ARL14EPL: variants seen among roughly 807,000 people sequenced by gnomAD.
ARL14EPL encodes the protein ARL14 effector protein-like.
Under a neutral mutation model 15.9 loss-of-function variants are expected in ARL14EPL, and 17 were observed. That is an observed-to-expected ratio of 1.07 (90% confidence interval 0.73 to 1.60). The LOEUF (loss-of-function observed/expected upper bound fraction) is 1.60. ARL14EPL is among the 40% of genes most tolerant of loss of function. ARL14EPL has a pLI of 0.00. For missense variants in ARL14EPL, 214 were observed against 185.9 expected (o/e 1.15, Z -0.88); for synonymous variants, 78 against 63.8 (o/e 1.22, Z -1.06).
At chr5:116,044,310 C>A (rs944281097) in intron 1 of ARL14EPL, among the ~76,000 whole-genome samples, 2 of 152,056 alleles carry the variant, frequency 1.3e-5, no homozygotes, top group Admixed American at 6.6e-5. Flanking sequence ...TAATAACTCA[C>A]AACATAATAT....
intron 3 of ARL14EPL, among the ~76,000 whole-genome samples, chr5:116,055,603 T>A (rs1749496949): frequency 6.6e-6 from 1 of 151,806 alleles, no homozygotes; most frequent in Non-Finnish European, 1.5e-5. Context: ...GTGTCATAAC[T>A]AAGACCAAAA....
Position 116,057,325 on chromosome 5 carries a change from G to A in ARL14EPL, c.237-1400G>A, listed in dbSNP as rs60599018. ...GCTGTAACACTCTTTTGTTAAGCTGGACAGTGGGCACACAGAAGTTTGTTT... is the reference window on the plus strand; with the variant it reads ...GCTGTAACACTCTTTTGTTAAGCTGAACAGTGGGCACACAGAAGTTTGTTT... On this transcript the variant is annotated intron_variant, in intron 3 of 3. Transcript: ENST00000686077. 3.8e-3 allele frequency among the ~76,000 whole-genome samples: 578 copies of A among 152,064 alleles called. 5 individuals are homozygous for A. Among genetic ancestry groups the A allele is most frequent in the African/African-American group, 0.013 (555 of 41,488 alleles).
chr5:116,059,194 C>G lies in ARL14EPL; in HGVS notation c.*247C>G. The G allele has an allele frequency of 2.1e-6, 1 of 482,200 alleles. No individual in the cohort carries two copies. Among genetic ancestry groups the G allele is most frequent in the Admixed American group, 3.5e-5 (1 of 28,520 alleles). 29.9% of individuals were successfully genotyped at this position (482,200 alleles called of 1,614,324 possible). A position where few individuals can be genotyped will look rare whatever the true frequency, so the allele number is the denominator to read the frequency against. On this transcript the variant is annotated 3_prime_UTR_variant, in exon 4 of 4. Coordinates refer to ENST00000686077, the MANE Select transcript of ARL14EPL (RefSeq NM_001195581.2). ...CAATGGAGGGATCAGCATTTCTCATCAGCACCCTCATCTCTACTCTGCCTT... is the reference window on the plus strand; with the variant it reads ...CAATGGAGGGATCAGCATTTCTCATGAGCACCCTCATCTCTACTCTGCCTT...
At chr5:116,057,541 T>C (rs1010797473) in intron 3 of ARL14EPL, among the ~76,000 whole-genome samples, 5 of 152,112 alleles carry the variant, frequency 3.3e-5, no homozygotes, top group African/African-American at 1.2e-4. Context: ...TTCAGGACCA[T>C]CTACTCCATC....
chr5:116,058,768 G>A lies in ARL14EPL; in HGVS notation c.280G>A (p.Asp94Asn), dbSNP rs558715826. 3.3e-6 allele frequency: 5 copies of A among 1,535,696 alleles called. No homozygotes were observed. In the Admixed American group the frequency reaches 5.9e-5, roughly 18 times the overall value. Reference sequence around the variant, plus strand: ...CAAAAGTGGCAGGCTCATCTGTAATGACGCTGATCTGTGTGATTGTCTAGA... The same window carrying A: ...CAAAAGTGGCAGGCTCATCTGTAATAACGCTGATCTGTGTGATTGTCTAGA... The part of the protein sequence containing the change: ...YDKSGRLICN[D>N]ADLCDCLEKN... The change falls in exon 4 of 4, where the codon GAC (aspartate) becomes AAC (asparagine). Residue 94 changes from aspartate to asparagine, a missense_variant. Asp to Asn is a conservative substitution (Grantham distance 23, BLOSUM62 1). Transcript: ENST00000686077.
chr5:116,052,227 C>G, intron 2 of ARL14EPL: 1 of 1,604,702 alleles, frequency 6.2e-7, no homozygotes, highest in Middle Eastern at 1.7e-4. Context: ...TTCACTGGGT[C>G]TTTGTTTTTC....
chr5:116,058,115 G>T (rs1349382645), intron 3 of ARL14EPL, among the ~76,000 whole-genome samples: 1 of 152,186 alleles, frequency 6.6e-6, no homozygotes, highest in Non-Finnish European at 1.5e-5. Flanking sequence ...TGATCCTCCA[G>T]TCTTGGTCAC....
chr5:116,053,900 A>C, intron 2 of ARL14EPL, 114 bp from the exon 3 acceptor site: 1 of 843,370 alleles, frequency 1.2e-6, no homozygotes, highest in Non-Finnish European at 1.7e-6. Flanking sequence ...TTTGTGTAAA[A>C]CATATATACT....
At chr5:116,053,105 G>A (rs995055506) in intron 2 of ARL14EPL, among the ~76,000 whole-genome samples, 2 of 152,098 alleles carry the variant, frequency 1.3e-5, no homozygotes, top group Non-Finnish European at 2.9e-5. Context: ...AGAACTTTGG[G>A]AGCCCAAGGC....
Position 116,057,077 on chromosome 5 carries a change from A to G in ARL14EPL, c.237-1648A>G, listed in dbSNP as rs546155504. 6.7e-4 allele frequency among the ~76,000 whole-genome samples: 102 copies of G among 152,352 alleles called. 1 individual carries two copies. Among genetic ancestry groups the G allele is most frequent in the Middle Eastern group, 3.4e-3 (1 of 294 alleles). On this transcript the variant is annotated intron_variant, in intron 3 of 3. Coordinates refer to ENST00000686077, the MANE Select transcript of ARL14EPL (RefSeq NM_001195581.2). ...CAGCATATCAAAAAGTTTATCCACCATGATCAAGTGGGCTTCATCCCTGGG... is the reference window on the plus strand; with the variant it reads ...CAGCATATCAAAAAGTTTATCCACCGTGATCAAGTGGGCTTCATCCCTGGG...
intron 1 of ARL14EPL, among the ~76,000 whole-genome samples, chr5:116,040,296 A>G (rs1580411175): frequency 3.3e-5 from 5 of 152,028 alleles, no homozygotes; most frequent in Admixed American, 6.5e-5. Flanking sequence ...CACTCCTGTT[A>G]TATACCAAAT....
chr5:116,045,778 GTGTA>G (rs57739774), intron 1 of ARL14EPL, among the ~76,000 whole-genome samples: 26,302 of 127,246 alleles, frequency 0.21, 2,479 homozygotes, highest in East Asian at 0.31. Flanking sequence ...GTGTGTGTGT[GTGTA>G]TGTGTACGAA....
At position 116,058,851 on chromosome 5, in the gene ARL14EPL, GC is replaced by G. The variant is rs1323362954; in HGVS notation, c.366del (p.Glu123SerfsTer48). ...CPKCNSNKCG[P>X]ECRCNRRWVY... ...CGAAGTGTAACTCCAACAAGTGTGG[GC>G]CCGAGTGCCGCTGCAACCGACGGTG... On this transcript the variant is annotated frameshift_variant, in exon 4 of 4. Coordinates refer to ENST00000686077, the MANE Select transcript of ARL14EPL (RefSeq NM_001195581.2). LOFTEE classifies it high-confidence loss of function. The G allele has an allele frequency of 1.3e-6, 2 of 1,536,070 alleles. No individual in the cohort carries two copies. Among genetic ancestry groups the G allele is most frequent in the South Asian group, 1.2e-5 (1 of 84,054 alleles).
chr5:116,058,481 C>G (rs1749570608), intron 3 of ARL14EPL, among the ~76,000 whole-genome samples: 1 of 152,174 alleles, frequency 6.6e-6, no homozygotes, highest in South Asian at 2.1e-4. Context: ...ACAAGCCTGG[C>G]TGCACTGGAA....
At chr5:116,050,334 G>A (rs1454876563) in intron 1 of ARL14EPL, among the ~76,000 whole-genome samples, 2 of 152,126 alleles carry the variant, frequency 1.3e-5, no homozygotes, top group African/African-American at 4.8e-5. Context: ...ACCTAAGTAA[G>A]AACATGCAGT....
At chr5:116,035,224 C>G (rs1749028115) in intron 1 of ARL14EPL, among the ~76,000 whole-genome samples, 1 of 152,212 alleles carries the variant, frequency 6.6e-6, no homozygotes, top group African/African-American at 2.4e-5. Flanking sequence ...CTAAGCACTC[C>G]AGTGCACACA....
chr5:116,032,557 T>C (rs987643007), intron 1 of ARL14EPL, 52 bp downstream of exon 1: 2 of 152,228 alleles, frequency 1.3e-5, no homozygotes, highest in East Asian at 1.9e-4. Context: ...CATATTTGCA[T>C]ATTTTTAATT....
At chr5:116,057,292 A>G (rs913959845) in intron 3 of ARL14EPL, among the ~76,000 whole-genome samples, 5 of 152,152 alleles carry the variant, frequency 3.3e-5, no homozygotes, top group Non-Finnish European at 7.4e-5. Flanking sequence ...ATTGAAGAGG[A>G]CTTCACTGCT....
At chr5:116,038,045 AG>A (rs1177409124) in intron 1 of ARL14EPL, among the ~76,000 whole-genome samples, 1 of 152,166 alleles carries the variant, frequency 6.6e-6, no homozygotes, top group African/African-American at 2.4e-5. Context: ...CCAATTTAAC[AG>A]GGCAAGGTAG....
Sources: allele counts gnomAD v4.1 joint callset (sites outside exome capture counted in the v4.1 genomes callset), GRCh38; gene constraint gnomAD v4.1.1; transcripts MANE v1.5; gene names NCBI Gene and HGNC (gene_info 2026-07-23, HGNC 2026-07-21).